Variants in UNC79 observed in about 807,000 individuals in gnomAD.
The protein encoded by UNC79 is protein unc-79 homolog.
A neutral mutation model predicts 283.1 loss-of-function variants in UNC79; 37 were observed. The observed-to-expected ratio is 0.13, with a 90% CI of 0.10 to 0.17. The LOEUF is 0.17. Among genes scored for constraint, UNC79 ranks in the 10% least tolerant of loss-of-function variants. The pLI is 1.00. For synonymous variants in UNC79, 1,107 were observed against 1,200.2 expected (o/e 0.92, Z 1.61); for missense variants, 2,272 against 3,211.1 (o/e 0.71, Z 7.07).
chr14:93,650,554 C>T (rs1407259130), intron 35 of UNC79, among the ~76,000 whole-genome samples: 1 of 152,124 alleles, frequency 6.6e-6, no homozygotes, highest in Non-Finnish European at 1.5e-5. Flanking sequence ...TTCTCTATGA[C>T]ATTTTTTCAA....
exon 16 of UNC79, chr14:93,572,707 T>C: frequency 1.2e-6 from 2 of 1,614,126 alleles, no homozygotes; most frequent in South Asian, 2.2e-5. Flanking sequence ...ATGTTTGACA[T>C]TGAACTCTGT....
At chr14:93,343,291 A>G (rs1158058111) in intron 1 of UNC79, among the ~76,000 whole-genome samples, 1 of 152,222 alleles carries the variant, frequency 6.6e-6, no homozygotes. Flanking sequence ...GCAAACTTAC[A>G]ATCATGGTAG....
Position 93,474,640 on chromosome 14 carries a change from G to T in UNC79, c.448+247G>T, listed in dbSNP as rs2057698452. Among the ~76,000 whole-genome samples, 1 of 152,152 alleles carries T rather than the reference G, an allele frequency of 6.6e-6. No homozygotes were observed. Among genetic ancestry groups the T allele is most frequent in the Non-Finnish European group, 1.5e-5 (1 of 68,032 alleles). On this transcript the variant is annotated intron_variant, in intron 3 of 48. Coordinates refer to ENST00000555664, the Ensembl canonical transcript of UNC79. The surrounding 1 kb of genome is among the most constrained non-coding windows in gnomAD (Gnocchi z 4.1). ...AGAATGGGGCTGGAGAAAGGAGGAA[G>T]ATGTATAACAAGAAATTTTCTCTTC...
intron 1 of UNC79, among the ~76,000 whole-genome samples, chr14:93,370,531 G>A (rs1395358381): frequency 1.3e-5 from 2 of 152,222 alleles, no homozygotes; most frequent in Non-Finnish European, 2.9e-5. Flanking sequence ...CCATCACGTT[G>A]GGAGGCCAAG....
intron 7 of UNC79, among the ~76,000 whole-genome samples, chr14:93,512,555 T>C (rs2059876327): frequency 6.6e-6 from 1 of 152,170 alleles, no homozygotes; most frequent in Non-Finnish European, 1.5e-5. Flanking sequence ...TATCAAATAC[T>C]CCATTTTTAA....
chr14:93,604,959 C>T (rs779436869), intron 26 of UNC79: 1 of 1,575,426 alleles, frequency 6.3e-7, no homozygotes, highest in Non-Finnish European at 8.6e-7. Context: ...GAACAGACGC[C>T]AGGTGGGTAC....
At chr14:93,354,430 G>A (rs1229714220) in intron 1 of UNC79, among the ~76,000 whole-genome samples, 5 of 152,234 alleles carry the variant, frequency 3.3e-5, no homozygotes, top group Non-Finnish European at 5.9e-5. Context: ...GGATGCTCAA[G>A]TGGTAAGTAT....
At chr14:93,547,717 G>GT (rs1406679727) in intron 14 of UNC79, among the ~76,000 whole-genome samples, 1 of 152,160 alleles carries the variant, frequency 6.6e-6, no homozygotes, top group Non-Finnish European at 1.5e-5. Flanking sequence ...AAGGCCAGGA[G>GT]TAGTGGCTCA....
chr14:93,625,648 G>A (rs1400338001), intron 30 of UNC79, among the ~76,000 whole-genome samples: 1 of 151,600 alleles, frequency 6.6e-6, no homozygotes, highest in Non-Finnish European at 1.5e-5. Context: ...GGACAATTGT[G>A]TATTGATCCA....
intron 41 of UNC79, among the ~76,000 whole-genome samples, chr14:93,678,822 A>T (rs922845606): frequency 2.6e-5 from 4 of 152,102 alleles, no homozygotes; most frequent in African/African-American, 9.7e-5. Context: ...GTTCAGGTGG[A>T]TTTTTTCTTT....
intron 14 of UNC79, among the ~76,000 whole-genome samples, chr14:93,547,007 A>G (rs1466589430): frequency 1.3e-5 from 2 of 152,228 alleles, no homozygotes; most frequent in Non-Finnish European, 2.9e-5. Flanking sequence ...CTGAATGACA[A>G]AAGGCTTAAA....
intron 1 of UNC79, among the ~76,000 whole-genome samples, chr14:93,351,222 A>T (rs940761177): frequency 3.3e-5 from 5 of 152,208 alleles, no homozygotes; most frequent in African/African-American, 1.2e-4. Flanking sequence ...AATAATTTCT[A>T]TATTATATTC....
intron 1 of UNC79, among the ~76,000 whole-genome samples, chr14:93,385,570 G>A (rs2054754042): frequency 6.6e-6 from 1 of 152,106 alleles, no homozygotes; most frequent in Non-Finnish European, 1.5e-5. Flanking sequence ...CTTGAGGCCA[G>A]GCATTCGAGA....
intron 7 of UNC79, among the ~76,000 whole-genome samples, chr14:93,500,687 G>A (rs1007448276): frequency 1.4e-4 from 22 of 152,156 alleles, no homozygotes; most frequent in African/African-American, 5.1e-4. Context: ...CTACAAATGA[G>A]GAGTGGGACA....
intron 7 of UNC79, among the ~76,000 whole-genome samples, chr14:93,517,709 C>G (rs907799604): frequency 1.3e-5 from 2 of 151,986 alleles, no homozygotes; most frequent in African/African-American, 4.8e-5. Context: ...TTCTGTGCTT[C>G]ATACTGAATC....
At chr14:93,428,307 A>G (rs1467186447), upstream of UNC79, among the ~76,000 whole-genome samples, 1 of 152,224 alleles carries the variant, frequency 6.6e-6, no homozygotes, top group Non-Finnish European at 1.5e-5. Flanking sequence ...TGGGAAAAAG[A>G]AGATAATTAA....
intron 5 of UNC79, among the ~76,000 whole-genome samples, chr14:93,490,715 C>T (rs2140502083): frequency 6.6e-6 from 1 of 152,304 alleles, no homozygotes; most frequent in Non-Finnish European, 1.5e-5. Context: ...TAGGTATTCT[C>T]AAAGAAGATT....
intron 31 of UNC79, among the ~76,000 whole-genome samples, chr14:93,633,851 T>G (rs2068259001): frequency 6.6e-6 from 1 of 152,240 alleles, no homozygotes; most frequent in African/African-American, 2.4e-5. Flanking sequence ...AGATGTGTAC[T>G]AGAATATACT....
At chr14:93,652,569 T>G (rs1041585081) in intron 35 of UNC79, among the ~76,000 whole-genome samples, 41 of 152,132 alleles carry the variant, frequency 2.7e-4, no homozygotes, top group Non-Finnish European at 3.2e-4. Context: ...CCAGTCTGAG[T>G]TTTTGTCATG....
Sources: gnomAD v4.1 joint callset for allele counts (sites outside exome capture counted in the v4.1 genomes callset) on GRCh38, gnomAD v4.1.1 for gene constraint, Gnocchi (gnomAD v3.1) non-coding constraint, MANE v1.5 for transcripts, NCBI Gene and HGNC (gene_info 2026-07-23, HGNC 2026-07-21) for gene names.